Variants in ATP2C2 observed in about 807,000 individuals in gnomAD.
ATP2C2 encodes the protein calcium-transporting ATPase type 2C member 2.
A neutral mutation model predicts 110.8 loss-of-function variants in ATP2C2; 171 were observed. The observed-to-expected ratio is 1.54, with a 90% CI of 1.36 to 1.75. The LOEUF is 1.75. Among genes scored for constraint, ATP2C2 ranks in the 40% most tolerant of loss-of-function variants. ATP2C2 has a pLI of 0.00. For synonymous variants in ATP2C2, 804 were observed against 508.4 expected (o/e 1.58, Z -7.82); for missense variants, 1,963 against 1,235.0 (o/e 1.59, Z -8.84).
intron 1 of ATP2C2, among the ~76,000 whole-genome samples, chr16:84,393,757 G>C (rs1904802128): frequency 6.6e-6 from 1 of 151,812 alleles, no homozygotes; most frequent in African/African-American, 2.4e-5. Flanking sequence ...GGGGAGTGGG[G>C]GTGGAGGGGG....
At chr16:84,385,083 G>T (rs1904301802) in intron 1 of ATP2C2, among the ~76,000 whole-genome samples, 1 of 152,104 alleles carries the variant, frequency 6.6e-6, no homozygotes, top group African/African-American at 2.4e-5. Context: ...AAATACCTGA[G>T]ACTGTGTGAT....
intron 2 of ATP2C2, among the ~76,000 whole-genome samples, chr16:84,401,143 C>G (rs1905291367): frequency 6.6e-6 from 1 of 151,716 alleles, no homozygotes; most frequent in South Asian, 2.1e-4. Flanking sequence ...AATCTTTGCC[C>G]AGTTCAATGT....
At chr16:84,383,735 C>G (rs376340855) in intron 1 of ATP2C2, among the ~76,000 whole-genome samples, 30 of 137,688 alleles carry the variant, frequency 2.2e-4, no homozygotes, top group African/African-American at 4.2e-4. Context: ...CTGAATACAT[C>G]TGTGTGTGTG....
chr16:84,459,204 C>T lies in ATP2C2; in HGVS notation c.2216+16C>T. On this transcript the variant is annotated intron_variant, in intron 22 of 26. Coordinates refer to ENST00000262429, the MANE Select transcript of ATP2C2 (RefSeq NM_014861.4). The stretch of plus-strand genomic sequence containing the variant: ...AGCTGAGCACGTAAGTAGAGGCCAG[C>T]ATTCCGAGTGTCATTAAGCACCACG... 1 of 1,614,210 alleles carries T rather than the reference C, an allele frequency of 6.2e-7. No individual in the cohort carries two copies. The highest frequency in any genetic ancestry group is 8.5e-7 in the Non-Finnish European group (1 of 1,180,010).
intron 1 of ATP2C2, among the ~76,000 whole-genome samples, chr16:84,380,426 T>G (rs1167149037): frequency 6.6e-6 from 1 of 152,190 alleles, no homozygotes; most frequent in Non-Finnish European, 1.5e-5. Context: ...AAACCATAAA[T>G]AAAAATTGGC....
intron 11 of ATP2C2, 169 bp downstream of exon 11, chr16:84,425,970 A>G: frequency 1.4e-6 from 1 of 720,722 alleles, no homozygotes; most frequent in Non-Finnish European, 2.4e-6. Flanking sequence ...ACAGGTACAG[A>G]GTGCCCGGCG....
chr16:84,459,435 G>A, intron 23 of ATP2C2, 49 bp downstream of exon 23: 2 of 1,605,802 alleles, frequency 1.2e-6, no homozygotes, highest in Non-Finnish European at 1.7e-6. Flanking sequence ...CCACCTGCGG[G>A]GCTTCCTCCA....
rs371406543 is a variant in ATP2C2 at position 84,451,856 on chromosome 16, C to A, written c.1661-65C>A. The stretch of plus-strand genomic sequence containing the variant: ...TCTCTTAAAAAACAACAACAACAAC[C>A]AACAACAAAAAACGACGGCCCCTAA... On this transcript the variant is annotated intron_variant, in intron 17 of 26. Transcript: ENST00000262429. The A allele has an allele frequency of 4.1e-6, 6 of 1,477,092 alleles. No individual in the cohort carries two copies. The African/African-American group carries it at 4.3e-5, about 10-fold the overall frequency. 91.5% of individuals were successfully genotyped at this position (1,477,092 alleles called of 1,614,324 possible).
At chr16:84,424,495 C>G (rs1007632774) in intron 10 of ATP2C2, among the ~76,000 whole-genome samples, 2 of 151,384 alleles carry the variant, frequency 1.3e-5, no homozygotes, top group Admixed American at 6.6e-5. Flanking sequence ...CCAGGCTGGT[C>G]TCAAACTCCT....
At chr16:84,399,450 A>G (rs1905190875) in intron 2 of ATP2C2, among the ~76,000 whole-genome samples, 2 of 152,224 alleles carry the variant, frequency 1.3e-5, no homozygotes, top group South Asian at 2.1e-4. Flanking sequence ...CAGCAAGTAC[A>G]GTTTTCTTGT....
chr16:84,397,932 C>A (rs1905092502), intron 1 of ATP2C2, among the ~76,000 whole-genome samples: 1 of 151,798 alleles, frequency 6.6e-6, no homozygotes, highest in South Asian at 2.1e-4. Flanking sequence ...AAACCCTGGC[C>A]AACCTAATCT....
At chr16:84,439,040 G>C in intron 11 of ATP2C2, 126 bp from the exon 12 acceptor site, 1 of 1,403,300 alleles carries the variant, frequency 7.1e-7, no homozygotes, top group Non-Finnish European at 9.7e-7. Context: ...TGGGAATGGA[G>C]ACTAGAACCA....
At chr16:84,437,795 C>T (rs1249958274) in intron 11 of ATP2C2, among the ~76,000 whole-genome samples, 4 of 152,218 alleles carry the variant, frequency 2.6e-5, no homozygotes, top group Admixed American at 6.5e-5. Context: ...GGATTACAGG[C>T]GTGAGCCACC....
intron 26 of ATP2C2, chr16:84,462,897 G>A (rs1489007994): frequency 6.5e-6 from 1 of 153,042 alleles, no homozygotes; most frequent in Non-Finnish European, 1.5e-5. Context: ...TCAGACCTGA[G>A]GCTGCAGTGA....
At chr16:84,459,685 C>T (rs1264423773) in intron 23 of ATP2C2, 5 of 1,185,404 alleles carry the variant, frequency 4.2e-6, no homozygotes, top group Admixed American at 2.1e-5. Flanking sequence ...TCACCAGTCA[C>T]TGCCTTCAGG....
chr16:84,460,896 G>A, intron 24 of ATP2C2, 95 bp downstream of exon 24: 1 of 1,458,650 alleles, frequency 6.9e-7, no homozygotes, highest in Non-Finnish European at 9.2e-7. Flanking sequence ...GCTCACATCT[G>A]GGAGAGGCAA....
intron 2 of ATP2C2, among the ~76,000 whole-genome samples, chr16:84,403,944 G>T (rs752293652): frequency 6.6e-6 from 1 of 152,170 alleles, no homozygotes; most frequent in Non-Finnish European, 1.5e-5. Flanking sequence ...GCCTGCCTTG[G>T]CCTCCCAAAG....
Position 84,402,649 on chromosome 16 carries a change from G to A in ATP2C2, c.211-2479G>A, listed in dbSNP as rs568668643. Reference sequence around the variant, plus strand: ...GCACCCTTGGGATAAATTCCTTTTGGTCATGATGAATTTTCATTTTAATGT... The same window carrying A: ...GCACCCTTGGGATAAATTCCTTTTGATCATGATGAATTTTCATTTTAATGT... On this transcript the variant is annotated intron_variant, in intron 2 of 26. Transcript: ENST00000262429. 4.6e-4 allele frequency among the ~76,000 whole-genome samples: 70 copies of A among 152,148 alleles called. 1 individual carries two copies. The highest frequency in any genetic ancestry group is 1.6e-3 in the African/African-American group (66 of 41,490).
intron 7 of ATP2C2, 131 bp downstream of exon 7, chr16:84,415,722 C>A: frequency 1.5e-6 from 1 of 686,776 alleles, no homozygotes; most frequent in Non-Finnish European, 2.4e-6. Flanking sequence ...CATGCATACA[C>A]ACAAGACAGG....
Sources: gnomAD v4.1 joint callset for allele counts (sites outside exome capture counted in the v4.1 genomes callset) on GRCh38, gnomAD v4.1.1 for gene constraint, MANE v1.5 for transcripts, NCBI Gene and HGNC (gene_info 2026-07-23, HGNC 2026-07-21) for gene names.